Variants in KLHL13 observed in about 807,000 individuals in gnomAD.
The protein encoded by KLHL13 is kelch like family member 13, also known as kelch-like protein 13.
A neutral mutation model predicts 37.1 loss-of-function variants in KLHL13; 10 were observed. That is an observed-to-expected ratio of 0.27 (90% confidence interval 0.17 to 0.46). KLHL13 has a LOEUF of 0.46. Among genes scored for constraint, KLHL13 ranks in the 20% least tolerant of loss-of-function variants. The pLI, the probability that KLHL13 is intolerant of heterozygous loss-of-function variation, is 1.00. For synonymous variants in KLHL13, 163 were observed against 181.2 expected, an observed-to-expected ratio of 0.90 and a Z score of 0.81; for missense variants, 360 against 509.3, an observed-to-expected ratio of 0.71 and a Z score of 2.82.
At chrX:118,109,709 A>T (rs1332220145) in intron 1 of KLHL13, among the ~76,000 whole-genome samples, 1 of 112,503 alleles carries the variant, frequency 8.9e-6, no homozygotes, top group Non-Finnish European at 1.9e-5. Flanking sequence ...AGCACTAGAC[A>T]GAGATTCTAT....
chrX:118,086,732 T>C (rs113807957), intron 1 of KLHL13, among the ~76,000 whole-genome samples: 4,490 of 111,607 alleles, frequency 0.04, 231 homozygotes, highest in African/African-American at 0.14. Flanking sequence ...ATGATAACAA[T>C]GGCTGCCTCC....
At chrX:118,076,192 T>C (rs1195106291) in intron 1 of KLHL13, among the ~76,000 whole-genome samples, 3 of 111,703 alleles carry the variant, frequency 2.7e-5, no homozygotes, top group Non-Finnish European at 3.8e-5. Context: ...CACTGGTACC[T>C]TATTTAGAAA....
At chrX:117,940,716 G>T (rs1447193174) in intron 2 of KLHL13, among the ~76,000 whole-genome samples, 1 of 111,396 alleles carries the variant, frequency 9.0e-6, no homozygotes, top group Admixed American at 9.5e-5. Context: ...TTGTGAATGG[G>T]AGTTCACTCA....
chrX:118,088,888 G>A (rs1409771159), intron 1 of KLHL13, among the ~76,000 whole-genome samples: 1 of 111,416 alleles, frequency 9.0e-6, no homozygotes, highest in East Asian at 2.8e-4. Context: ...AGGACCCAAG[G>A]AATAGCACAG....
At chrX:117,921,498 A>G (rs1490463036) in intron 2 of KLHL13, among the ~76,000 whole-genome samples, 1 of 112,026 alleles carries the variant, frequency 8.9e-6, no homozygotes, top group Admixed American at 9.4e-5. Context: ...GGCAAGATTG[A>G]GTCTGTAGTT....
intron 1 of KLHL13, among the ~76,000 whole-genome samples, chrX:117,986,557 A>G (rs2053728876): frequency 9.0e-6 from 1 of 111,696 alleles, no homozygotes; most frequent in Admixed American, 9.5e-5. Flanking sequence ...CTCAGTACAT[A>G]CCGGCCAACC....
chrX:118,091,266 C>T (rs964503643), intron 1 of KLHL13, among the ~76,000 whole-genome samples: 5 of 110,808 alleles, frequency 4.5e-5, no homozygotes, highest in Admixed American at 2.9e-4. Context: ...TACCCTAAAA[C>T]TTAAAGTATA....
At chrX:117,985,241 A>G in intron 1 of KLHL13, 1 of 1,136,644 alleles carries the variant, frequency 8.8e-7, no homozygotes, top group Non-Finnish European at 1.2e-6. Context: ...GTCTCTTACC[A>G]ATAAGCCCAT....
intron 1 of KLHL13, among the ~76,000 whole-genome samples, chrX:118,085,139 A>C (rs1366308851): frequency 9.0e-6 from 1 of 111,529 alleles, no homozygotes; most frequent in African/African-American, 3.3e-5. Flanking sequence ...AATGTCCATC[A>C]ACCGATAAAT....
chrX:117,997,935 G>T (rs1383218486), intron 1 of KLHL13, among the ~76,000 whole-genome samples: 1 of 112,147 alleles, frequency 8.9e-6, no homozygotes, highest in African/African-American at 3.2e-5. Context: ...TCACCACTTT[G>T]TATGGTACTC....
intron 1 of KLHL13, among the ~76,000 whole-genome samples, chrX:118,023,135 G>C (rs1441881390): frequency 9.8e-6 from 1 of 102,275 alleles, no homozygotes; most frequent in African/African-American, 4.2e-5. Context: ...TTATCTTCTA[G>C]GAATTGGTTA....
At chrX:118,031,607 TTA>T (rs1365793578) in intron 1 of KLHL13, among the ~76,000 whole-genome samples, 1 of 98,579 alleles carries the variant, frequency 1.0e-5, no homozygotes, top group African/African-American at 3.7e-5. Context: ...ATATATTTAG[TTA>T]TATATATATT....
chrX:118,062,855 G>A (rs1297840452), intron 1 of KLHL13, among the ~76,000 whole-genome samples: 1 of 111,098 alleles, frequency 9.0e-6, no homozygotes, highest in East Asian at 2.8e-4. Flanking sequence ...CACAGAAACT[G>A]TCCCTGAATC....
At chrX:118,039,891 G>A (rs1250835329) in intron 1 of KLHL13, among the ~76,000 whole-genome samples, 2 of 111,551 alleles carry the variant, frequency 1.8e-5, no homozygotes, top group African/African-American at 6.5e-5. Flanking sequence ...TCAGAAAAGA[G>A]AGAGAGAGAG....
intron 5 of KLHL13, among the ~76,000 whole-genome samples, chrX:117,906,991 T>A (rs1007710486): frequency 5.4e-5 from 6 of 111,865 alleles, no homozygotes; most frequent in Non-Finnish European, 9.4e-5. Flanking sequence ...TAAGTCATTA[T>A]CCTTAGGTTA....
At chrX:117,906,832 A>G (rs1193754574) in intron 5 of KLHL13, among the ~76,000 whole-genome samples, 1 of 111,371 alleles carries the variant, frequency 9.0e-6, no homozygotes, top group Admixed American at 9.6e-5. Flanking sequence ...ATGGAATAAA[A>G]TATCAAATAA....
chrX:117,915,974 C>T (rs1162904789), intron 4 of KLHL13, among the ~76,000 whole-genome samples: 1 of 112,194 alleles, frequency 8.9e-6, no homozygotes, highest in African/African-American at 3.2e-5. Flanking sequence ...GCCTGACCAA[C>T]ATGGAGAAAG....
intron 1 of KLHL13, among the ~76,000 whole-genome samples, chrX:118,066,988 G>A (rs1179362413): frequency 9.0e-6 from 1 of 111,328 alleles, no homozygotes; most frequent in Non-Finnish European, 1.9e-5. Flanking sequence ...CTCATTGTAA[G>A]TACAGTCATG....
intron 1 of KLHL13, among the ~76,000 whole-genome samples, chrX:118,076,706 A>C (rs1053876317): frequency 1.8e-5 from 2 of 111,264 alleles, no homozygotes; most frequent in African/African-American, 6.5e-5. Context: ...TGAAGGCCTT[A>C]ATAGAAAAAT....
Sources: gnomAD v4.1 joint callset for allele counts (sites outside exome capture counted in the v4.1 genomes callset) on GRCh38, gnomAD v4.1.1 for gene constraint, MANE v1.5 for transcripts, NCBI Gene and HGNC (gene_info 2026-07-23, HGNC 2026-07-21) for gene names.